Variants in TNS3 observed in about 807,000 individuals in gnomAD.
TNS3 encodes tensin 3.
Under a neutral mutation model 140.9 loss-of-function variants are expected in TNS3, and 45 were observed. The ratio of observed to expected loss-of-function variants is 0.32; its 90% CI spans 0.25 to 0.41. TNS3 has a LOEUF of 0.41. Ranked by LOEUF, TNS3 falls within the 10% of genes least tolerant of loss-of-function variation. The pLI is 1.00. For synonymous variants in TNS3, 815 were observed against 788.4 expected (o/e 1.03, Z -0.56); for missense variants, 1,716 against 1,906.7 (o/e 0.90, Z 1.86).
chr7:47,493,647 T>C (rs571054212), intron 3 of TNS3, among the ~76,000 whole-genome samples: 2 of 141,790 alleles, frequency 1.4e-5, no homozygotes, highest in African/African-American at 5.4e-5. Context: ...TGAAACCCTG[T>C]CTCTACTAAA....
At chr7:47,485,636 T>C (rs1475394768) in intron 3 of TNS3, among the ~76,000 whole-genome samples, 2 of 152,248 alleles carry the variant, frequency 1.3e-5, no homozygotes, top group African/African-American at 4.8e-5. Context: ...CCATGGGCTG[T>C]GGCATCCCCG....
intron 1 of TNS3, among the ~76,000 whole-genome samples, chr7:47,536,788 T>A (rs1221042718): frequency 6.6e-6 from 1 of 152,152 alleles, no homozygotes. Context: ...AGCGTACACA[T>A]GCCTGCACAC....
At chr7:47,404,616 G>A (rs1793341466) in intron 13 of TNS3, among the ~76,000 whole-genome samples, 1 of 152,296 alleles carries the variant, frequency 6.6e-6, no homozygotes. Context: ...GCCGGGCGCG[G>A]TGGCTCACGC....
At chr7:47,413,441 G>A (rs1793900185) in intron 12 of TNS3, among the ~76,000 whole-genome samples, 1 of 151,472 alleles carries the variant, frequency 6.6e-6, no homozygotes, top group Non-Finnish European at 1.5e-5. Context: ...AGTAGAGACG[G>A]GGTTTCACCA....
Position 47,371,355 on chromosome 7 carries a change from T to C in TNS3, c.1025-1734A>G, listed in dbSNP as rs961431482. Reference sequence around the variant, plus strand: ...GTATGACCTATGTTGTTATTCCTTGTTTATCTATAAGGAACTGAGGATCAA... The same window carrying C: ...GTATGACCTATGTTGTTATTCCTTGCTTATCTATAAGGAACTGAGGATCAA... On this transcript the variant is annotated intron_variant, in intron 16 of 30. Coordinates refer to ENST00000311160, the MANE Select transcript of TNS3 (RefSeq NM_022748.12). Among the ~76,000 whole-genome samples the C allele has an allele frequency of 3.3e-5, 5 of 152,188 alleles. No individual in the cohort carries two copies. In the East Asian group the frequency reaches 9.6e-4, roughly 29 times the overall value.
chr7:47,376,044 A>C (rs1345897524), intron 16 of TNS3, among the ~76,000 whole-genome samples: 2 of 152,218 alleles, frequency 1.3e-5, no homozygotes, highest in Non-Finnish European at 2.9e-5. Flanking sequence ...GCAATTTTTT[A>C]GTTTCAAAGG....
At position 47,303,675 on chromosome 7, in the gene TNS3, A is replaced by T. The variant is rs1224680716; in HGVS notation, c.2823-91T>A. 5 of 1,437,442 alleles carry T rather than the reference A, an allele frequency of 3.5e-6. No homozygotes were observed. In the East Asian group the frequency reaches 1.0e-4, roughly 29 times the overall value. 89.0% of individuals were successfully genotyped at this position (1,437,442 alleles called of 1,614,324 possible). A position where few individuals can be genotyped will look rare whatever the true frequency, so the allele number is the denominator to read the frequency against. On this transcript the variant is annotated intron_variant, in intron 21 of 30. Coordinates refer to ENST00000311160, the MANE Select transcript of TNS3 (RefSeq NM_022748.12). ...GCGTCACCCACACGGGAAGACAGGGATGGGGAAGTGGGTGCTGAGGCCCTC... is the reference window on the plus strand; with the variant it reads ...GCGTCACCCACACGGGAAGACAGGGTTGGGGAAGTGGGTGCTGAGGCCCTC...
intron 16 of TNS3, among the ~76,000 whole-genome samples, chr7:47,373,499 G>T (rs369348388): frequency 2.0e-5 from 3 of 152,116 alleles, no homozygotes; most frequent in Admixed American, 1.3e-4. Context: ...TCTCTTTACC[G>T]CCTGCCCTGT....
At chr7:47,544,907 C>A (rs1349990037) in intron 1 of TNS3, among the ~76,000 whole-genome samples, 1 of 151,878 alleles carries the variant, frequency 6.6e-6, no homozygotes, top group Non-Finnish European at 1.5e-5. Context: ...CCAAGCATTT[C>A]TTCACCATCA....
intron 4 of TNS3, among the ~76,000 whole-genome samples, chr7:47,464,018 C>T (rs897361459): frequency 6.6e-6 from 1 of 152,140 alleles, no homozygotes; most frequent in African/African-American, 2.4e-5. Context: ...CAGCCTAGTC[C>T]ACCCGTAATT....
chr7:47,313,289 C>G (rs1787210281), intron 20 of TNS3, among the ~76,000 whole-genome samples: 1 of 152,162 alleles, frequency 6.6e-6, no homozygotes, highest in Admixed American at 6.5e-5. Context: ...GGGCTGGCAC[C>G]TGTAGGAGCT....
intron 1 of TNS3, among the ~76,000 whole-genome samples, chr7:47,554,308 C>T (rs1800138726): frequency 6.6e-6 from 1 of 151,270 alleles, no homozygotes; most frequent in South Asian, 2.1e-4. Flanking sequence ...ATCCCAGCTA[C>T]TCGGGAGGCC....
chr7:47,558,102 A>T (rs1295781154), intron 1 of TNS3, among the ~76,000 whole-genome samples: 1 of 152,002 alleles, frequency 6.6e-6, no homozygotes, highest in Non-Finnish European at 1.5e-5. Flanking sequence ...GTCCACCCCC[A>T]TGTGGGTGCT....
At chr7:47,561,741 T>G (rs1211536630) in intron 1 of TNS3, among the ~76,000 whole-genome samples, 2 of 152,250 alleles carry the variant, frequency 1.3e-5, no homozygotes, top group East Asian at 3.8e-4. Context: ...AGGTGGAATC[T>G]ATTTCCTAAC....
At chr7:47,347,365 C>T (rs1413030363) in intron 17 of TNS3, among the ~76,000 whole-genome samples, 1 of 152,124 alleles carries the variant, frequency 6.6e-6, no homozygotes, top group African/African-American at 2.4e-5. Context: ...GCCACTGACA[C>T]CTCCTACATC....
chr7:47,428,473 G>A lies in TNS3; in HGVS notation c.325-97C>T, dbSNP rs989047632. On this transcript the variant is annotated intron_variant, in intron 8 of 30. Coordinates refer to ENST00000311160, the MANE Select transcript of TNS3 (RefSeq NM_022748.12). ...ACTCACTAGTGGACAAAACAATAGAGAGCCTGCTTTGGTGGTAAGGCCAGC... is the reference window on the plus strand; with the variant it reads ...ACTCACTAGTGGACAAAACAATAGAAAGCCTGCTTTGGTGGTAAGGCCAGC... 3.0e-5 allele frequency: 27 copies of A among 912,558 alleles called. No individual in the cohort carries two copies. In the Admixed American group the frequency reaches 5.1e-4, roughly 17 times the overall value. 56.5% of individuals were successfully genotyped at this position (912,558 alleles called of 1,614,324 possible). A position where few individuals can be genotyped will look rare whatever the true frequency, so the allele number is the denominator to read the frequency against.
In TNS3 at chr7:47,395,369, A is replaced by T. The variant is rs534405804; in HGVS notation, c.1024+1431T>A. On this transcript the variant is annotated intron_variant, in intron 16 of 30. Transcript: ENST00000311160. ...TTCCCCATCTTGCCTTGCGATGATT[A>T]TTTACACACTTCACCAGCCACCGCT... Among the ~76,000 whole-genome samples the T allele has an allele frequency of 5.9e-5, 9 of 152,254 alleles. No individual in the cohort carries two copies. The South Asian group carries it at 1.9e-3, about 32-fold the overall frequency.
chr7:47,302,723 G>C (rs1481112923), intron 22 of TNS3, among the ~76,000 whole-genome samples: 3 of 152,240 alleles, frequency 2.0e-5, no homozygotes, highest in Non-Finnish European at 4.4e-5. Context: ...CAACTGGAAG[G>C]AATCCAAGGT....
Position 47,385,052 on chromosome 7 carries a change from C to A in TNS3, c.1024+11748G>T, listed in dbSNP as rs112905958. ...TGTCCACTCCCAACAGACAACCTCG[C>A]CTGCCTTGTACAGGTCAAGTGACGC... On this transcript the variant is annotated intron_variant, in intron 16 of 30. Coordinates refer to ENST00000311160, the MANE Select transcript of TNS3 (RefSeq NM_022748.12). 1.8e-4 allele frequency among the ~76,000 whole-genome samples: 27 copies of A among 152,374 alleles called. 1 individual carries two copies. Among genetic ancestry groups the A allele is most frequent in the African/African-American group, 6.5e-4 (27 of 41,590 alleles).
Sources: allele counts gnomAD v4.1 joint callset (sites outside exome capture counted in the v4.1 genomes callset), GRCh38; gene constraint gnomAD v4.1.1; transcripts MANE v1.5; gene names NCBI Gene and HGNC (gene_info 2026-07-23, HGNC 2026-07-21).